The following CASP9 variants were observed in gnomAD, a reference collection of about 807,000 sequenced individuals.
CASP9 encodes caspase-9.
A neutral mutation model predicts 43.5 loss-of-function variants in CASP9; 29 were observed. That is an observed-to-expected ratio of 0.67 (90% CI 0.50 to 0.91). The LOEUF is 0.91. Among genes scored for constraint, CASP9 ranks in the 40% least tolerant of loss-of-function variants. The pLI, the probability that CASP9 is intolerant of heterozygous loss-of-function variation, is 0.00. For missense variants in CASP9, 575 were observed against 537.4 expected (o/e 1.07, Z -0.69); for synonymous variants, 206 against 211.9 (o/e 0.97, Z 0.24).
Position 15,492,816 on chromosome 1 carries a change from G to T in CASP9, c.*127C>A. 1 of 1,326,290 alleles carries T rather than the reference G, an allele frequency of 7.5e-7. No individual in the cohort carries two copies. Among genetic ancestry groups the T allele is most frequent in the Non-Finnish European group, 1.0e-6 (1 of 971,518 alleles). 82.2% of individuals were successfully genotyped at this position (1,326,290 alleles called of 1,614,324 possible). A position where few individuals can be genotyped will look rare whatever the true frequency, so the allele number is the denominator to read the frequency against. ...TAAGAGCCTGTCTGTCACTGGCAGAGAAAGAGCAGACCCTGTGCCGGCTGC... is the reference window on the plus strand; with the variant it reads ...TAAGAGCCTGTCTGTCACTGGCAGATAAAGAGCAGACCCTGTGCCGGCTGC... On this transcript the variant is annotated 3_prime_UTR_variant, in exon 9 of 9. Transcript: ENST00000333868.
At position 15,493,991 on chromosome 1, in the gene CASP9, G is replaced by T; in HGVS notation, c.1059C>A (p.Ser353=). 1 of 1,592,218 alleles carries T rather than the reference G, an allele frequency of 6.3e-7. No individual in the cohort carries two copies. The highest frequency in any genetic ancestry group is 1.3e-5 in the African/African-American group (1 of 74,538). ...AGGAGCCACTCTTGGGGTCCCTCCA[G>T]GAAACAAAACCTTTGGAGGGAGGAG... is the stretch of plus-strand genomic sequence containing the variant. ...VSYSTFPGFV[S]WRDPKSGSWY... is the part of the protein sequence containing the mutation. Residue 353 remains serine, a synonymous_variant, in exon 8 of 9, where the codon TCC becomes TCA. Coordinates refer to ENST00000333868, the MANE Select transcript of CASP9 (RefSeq NM_001229.5).
chr1:15,504,644 G>A lies in CASP9; in HGVS notation c.835C>T (p.Pro279Ser), dbSNP rs752755226. 7 of 1,613,920 alleles carry A rather than the reference G, an allele frequency of 4.3e-6. No individual in the cohort carries two copies. In the African/African-American group the frequency reaches 9.3e-5, roughly 22 times the overall value. The change falls in exon 6 of 9, where the codon CCC (proline) becomes TCC (serine). Residue 279 changes from proline (P) to serine (S), a missense_variant. Coordinates refer to ENST00000333868, the MANE Select transcript of CASP9 (RefSeq NM_001229.5). ...GTSCPSLGGK[P>S]KLFFIQACGG... is the part of the protein sequence containing the mutation. ...CAGGCCTGGATGAAAAAGAGCTTGG[G>A]CTTCCCTCCCAGGCTGGGGCAGCTG...
chr1:15,506,021 C>T lies in CASP9; in HGVS notation c.689G>A (p.Cys230Tyr). ...AQQDHGALDC[C>Y]VVVILSHGCQ... ...GCCGTGAGAGAGAATGACCACCACG[C>T]AGCAGTCCAGAGCACCGTGGTCCTG... is the stretch of plus-strand genomic sequence containing the variant. The change falls in exon 5 of 9, where the codon TGC (cysteine) becomes TAC (tyrosine). Residue 230 changes from cysteine to tyrosine, a missense_variant. Transcript: ENST00000333868. 1 of 1,614,172 alleles carries T rather than the reference C, an allele frequency of 6.2e-7. No homozygotes were observed. Among genetic ancestry groups the T allele is most frequent in the South Asian group, 1.1e-5 (1 of 91,090 alleles).
chr1:15,496,445 C>T (rs1026494736), intron 6 of CASP9, among the ~76,000 whole-genome samples: 9 of 152,116 alleles, frequency 5.9e-5, no homozygotes, highest in South Asian at 2.1e-4. Context: ...AAATAAAAGA[C>T]ATTCAAATTG....
upstream of CASP9, chr1:15,524,340 C>G: frequency 7.0e-7 from 1 of 1,419,298 alleles, no homozygotes; most frequent in East Asian, 2.9e-5. Flanking sequence ...TCCCCACCGC[C>G]TCCGGACGCA....
chr1:15,493,885 C>A lies in CASP9; in HGVS notation c.1158+7G>T. The A allele has an allele frequency of 6.3e-7, 1 of 1,584,088 alleles. No individual in the cohort carries two copies. The highest frequency in any genetic ancestry group is 8.6e-7 in the Non-Finnish European group (1 of 1,164,126). ...CCCTCTCCTTTGCAGAGGAAGGCAG[C>A]ACTCACCCTAAGCAGGAGGGACTGC... On this transcript the variant is annotated splice_region_variant and intron_variant, in intron 8 of 8. Coordinates refer to ENST00000333868, the MANE Select transcript of CASP9 (RefSeq NM_001229.5).
At chr1:15,518,510 A>G in intron 1 of CASP9, 115 bp from the exon 2 acceptor site, 1 of 1,087,252 alleles carries the variant, frequency 9.2e-7, no homozygotes, top group East Asian at 2.5e-5. Flanking sequence ...GTGGGCAGCA[A>G]TGGAGCTGCA....
intron 6 of CASP9, among the ~76,000 whole-genome samples, chr1:15,503,176 C>CAGG (rs1189490893): frequency 6.6e-6 from 1 of 152,094 alleles, no homozygotes; most frequent in Non-Finnish European, 1.5e-5. Flanking sequence ...TGCTTGAACC[C>CAGG]AGGAGTTCAA....
chr1:15,493,839 A>T (rs756945105), intron 8 of CASP9, 53 bp downstream of exon 8: 4 of 1,550,608 alleles, frequency 2.6e-6, no homozygotes, highest in Non-Finnish European at 1.7e-6. Flanking sequence ...CCAGGAGGAC[A>T]CGCTGCCCCT....
chr1:15,494,821 C>A (rs903329684), intron 7 of CASP9, among the ~76,000 whole-genome samples: 2 of 139,746 alleles, frequency 1.4e-5, no homozygotes, highest in African/African-American at 5.7e-5. Context: ...CAAGATCGCG[C>A]CACTGCACTC....
intron 2 of CASP9, among the ~76,000 whole-genome samples, chr1:15,510,643 CAAAG>C (rs1290420439): frequency 2.6e-5 from 4 of 152,010 alleles, no homozygotes; most frequent in Middle Eastern, 3.4e-3. Flanking sequence ...AAGGGGTGCC[CAAAG>C]AAAGAGGGAG....
intron 6 of CASP9, 26 bp downstream of exon 6, chr1:15,504,585 C>CA: frequency 6.3e-7 from 1 of 1,599,806 alleles, no homozygotes. Flanking sequence ...CAGACCCACC[C>CA]AGAGGGAGGC....
At chr1:15,496,771 G>A (rs1345855971) in intron 6 of CASP9, among the ~76,000 whole-genome samples, 1 of 152,222 alleles carries the variant, frequency 6.6e-6, no homozygotes, top group Non-Finnish European at 1.5e-5. Flanking sequence ...GCTCACGCCT[G>A]TAATCTCAAC....
At chr1:15,524,336 C>G, upstream of CASP9, 1 of 1,427,400 alleles carries the variant, frequency 7.0e-7, no homozygotes, top group Non-Finnish European at 9.1e-7. Flanking sequence ...TCGCTCCCCA[C>G]CGCCTCCGGA....
At chr1:15,495,178 C>T (rs4646092) in intron 7 of CASP9, 95 bp downstream of exon 7, 266,003 of 1,158,462 alleles carry the variant, frequency 0.23, 32,723 homozygotes, top group African/African-American at 0.42. Context: ...AGAACCAGGA[C>T]TCATACCCTG....
intron 2 of CASP9, among the ~76,000 whole-genome samples, chr1:15,517,023 T>A (rs1178168882): frequency 6.6e-6 from 1 of 152,196 alleles, no homozygotes; most frequent in Admixed American, 6.5e-5. Context: ...CTCCGAACGG[T>A]GCCTGGCAAA....
At chr1:15,513,746 G>A (rs1709853039) in intron 2 of CASP9, among the ~76,000 whole-genome samples, 1 of 152,148 alleles carries the variant, frequency 6.6e-6, no homozygotes, top group Admixed American at 6.6e-5. Context: ...CAAATATAGG[G>A]ACAAGAAAGA....
chr1:15,517,266 T>A (rs4646014), intron 2 of CASP9, among the ~76,000 whole-genome samples: 1 of 151,856 alleles, frequency 6.6e-6, no homozygotes, highest in South Asian at 2.1e-4. Context: ...TACCGATATG[T>A]ACAACAATAT....
At position 15,493,986 on chromosome 1, in the gene CASP9, C is replaced by T. The variant is rs1470631576; in HGVS notation, c.1064G>A (p.Arg355Lys). 1.3e-6 allele frequency: 2 copies of T among 1,594,636 alleles called. No individual in the cohort carries two copies. Among genetic ancestry groups the T allele is most frequent in the Non-Finnish European group, 1.7e-6 (2 of 1,170,276 alleles). Reference sequence around the variant, plus strand: ...GTACCAGGAGCCACTCTTGGGGTCCCTCCAGGAAACAAAACCTTTGGAGGG... The same window carrying T: ...GTACCAGGAGCCACTCTTGGGGTCCTTCCAGGAAACAAAACCTTTGGAGGG... ...YSTFPGFVSW[R>K]DPKSGSWYVE... Residue 355 changes from arginine to lysine, a missense_variant, in exon 8 of 9, where the codon AGG (arginine) becomes AAG (lysine). Coordinates refer to ENST00000333868, the MANE Select transcript of CASP9 (RefSeq NM_001229.5).
Sources: allele counts gnomAD v4.1 joint callset (sites outside exome capture counted in the v4.1 genomes callset), GRCh38; gene constraint gnomAD v4.1.1; transcripts MANE v1.5; gene names NCBI Gene and HGNC (gene_info 2026-07-23, HGNC 2026-07-21).